Variants in SEMA3B observed in about 807,000 individuals in gnomAD.
SEMA3B encodes the protein semaphorin 3B.
In SEMA3B, 71 loss-of-function variants were observed where a neutral mutation model predicts 77.8. The observed-to-expected ratio is 0.91, with a 90% CI of 0.75 to 1.11. The LOEUF (loss-of-function observed/expected upper bound fraction) is 1.11. Ranked by LOEUF, SEMA3B falls within the 50% of genes most tolerant of loss-of-function variation. The pLI, the probability that SEMA3B is intolerant of heterozygous loss-of-function variation, is 0.00. For missense variants in SEMA3B, 968 were observed against 1,056.8 expected (o/e 0.92, Z 1.17); for synonymous variants, 470 against 452.9 (o/e 1.04, Z -0.48).
Position 50,269,407 on chromosome 3 carries a change from G to C in SEMA3B, c.109+58G>C. 3 of 1,032,562 alleles carry C rather than the reference G, an allele frequency of 2.9e-6. No individual in the cohort carries two copies. The highest frequency in any genetic ancestry group is 4.1e-6 in the Non-Finnish European group (3 of 726,698). The allele number at this position is 1,032,562 out of a possible 1,614,324, so 64.0% of individuals were successfully genotyped here. ...TTGAGGTGGGCAGGAAAGGGTCCCC[G>C]TATGGCCAGGGGGCTCTGTGTTGGC... On this transcript the variant is annotated intron_variant, in intron 1 of 16. Transcript: ENST00000616701. This position sits in a 1 kb window ranked among gnomAD's most constrained non-coding sequence, Gnocchi z 4.0.
At chr3:50,267,565 ACGGCACGG>A (rs1258191525), upstream of SEMA3B, 1 of 151,666 alleles carries the variant, frequency 6.6e-6, no homozygotes, top group African/African-American at 2.4e-5. The surrounding 1 kb of genome is among the most constrained non-coding windows in gnomAD (Gnocchi z 5.7). Flanking sequence ...TCTAAACTTT[ACGGCACGG>A]CGGGCGGTGC....
rs782412515 is a variant in SEMA3B at position 50,270,877 on chromosome 3, C to G, written c.331-13C>G. 6.3e-7 allele frequency: 1 copy of G among 1,589,502 alleles called. No individual in the cohort carries two copies. Among genetic ancestry groups the G allele is most frequent in the Non-Finnish European group, 8.6e-7 (1 of 1,167,710 alleles). On this transcript the variant is annotated splice_polypyrimidine_tract_variant and intron_variant, in intron 3 of 16. Transcript: ENST00000616701. This position sits in a 1 kb window ranked among gnomAD's most constrained non-coding sequence, Gnocchi z 4.7. ...CGTCCCTGGGGGAAGCCTCACACCT[C>G]CAACCCTACTAGACTGAGTGCATGA...
upstream of SEMA3B, among the ~76,000 whole-genome samples, chr3:50,265,152 C>T (rs1048452991): frequency 9.7e-4 from 148 of 152,286 alleles, no homozygotes; most frequent in African/African-American, 3.4e-3. Context: ...GGAGATGCCC[C>T]TGGGGCAGGG....
At chr3:50,272,854 C>T (rs374888952) in intron 6 of SEMA3B, among the ~76,000 whole-genome samples, 21 of 37,146 alleles carry the variant, frequency 5.7e-4, no homozygotes, top group Middle Eastern at 0.015. Flanking sequence ...AATAAATAAA[C>T]AAATAATAAT....
rs1427402015 is a variant in SEMA3B at position 50,273,292 on chromosome 3, G to A, written c.665-6G>A. ...CCCGCTGACCCATGCCTCCTGCCGCGGTCAGAGCCCAAGTTTGTCAAGGTA... is the reference window on the plus strand; with the variant it reads ...CCCGCTGACCCATGCCTCCTGCCGCAGTCAGAGCCCAAGTTTGTCAAGGTA... On this transcript the variant is annotated splice_region_variant and splice_polypyrimidine_tract_variant and intron_variant, in intron 6 of 16. Coordinates refer to ENST00000616701, the MANE Select transcript of SEMA3B (RefSeq NM_001290060.2). This position sits in a 1 kb window ranked among gnomAD's most constrained non-coding sequence, Gnocchi z 6.5. The A allele has an allele frequency of 1.2e-6, 2 of 1,612,398 alleles. No individual in the cohort carries two copies. The highest frequency in any genetic ancestry group is 1.3e-5 in the African/African-American group (1 of 74,914).
At chr3:50,272,864 T>TA (rs1559787537) in intron 6 of SEMA3B, among the ~76,000 whole-genome samples, 1 of 149,094 alleles carries the variant, frequency 6.7e-6, no homozygotes, top group East Asian at 2.0e-4. Flanking sequence ...CAAATAATAA[T>TA]AATAATAATA....
upstream of SEMA3B, chr3:50,269,023 G>A (rs1253683870): frequency 6.8e-6 from 4 of 584,558 alleles, no homozygotes; most frequent in Non-Finnish European, 9.1e-6. This position sits in a 1 kb window ranked among gnomAD's most constrained non-coding sequence, Gnocchi z 4.0. Flanking sequence ...TTGTGGCCAG[G>A]CGGGGCACCC....
Position 50,274,768 on chromosome 3 carries a change from G to A in SEMA3B, c.1358-75G>A. The A allele has an allele frequency of 6.6e-7, 1 of 1,510,144 alleles. No homozygotes were observed. Among genetic ancestry groups the A allele is most frequent in the South Asian group, 1.2e-5 (1 of 85,428 alleles). The allele number at this position is 1,510,144 out of a possible 1,614,324, so 93.5% of individuals were successfully genotyped here. A position where few individuals can be genotyped will look rare whatever the true frequency, so the allele number is the denominator to read the frequency against. ...CAACCCAAACATGCTGAGGGTAGAC[G>A]CCTCAAAGGCGAGGAGACACTAGCC... On this transcript the variant is annotated intron_variant, in intron 11 of 16. Coordinates refer to ENST00000616701, the MANE Select transcript of SEMA3B (RefSeq NM_001290060.2). The surrounding 1 kb of genome is among the most constrained non-coding windows in gnomAD (Gnocchi z 4.7).
chr3:50,271,290 C>T (rs899244915), intron 5 of SEMA3B, 71 bp from the exon 6 acceptor site: 1 of 1,548,940 alleles, frequency 6.5e-7, no homozygotes, highest in Non-Finnish European at 8.7e-7. Flanking sequence ...CTCACTCACT[C>T]CCAGAGCTCC....
At position 50,273,796 on chromosome 3, in the gene SEMA3B, C is replaced by T. The variant is rs781950536; in HGVS notation, c.960C>T (p.Thr320=). 3 of 1,590,474 alleles carry T rather than the reference C, an allele frequency of 1.9e-6. No individual in the cohort carries two copies. The highest frequency in any genetic ancestry group is 2.6e-6 in the Non-Finnish European group (3 of 1,170,198). ...VFLLSSRDHR[T]PLLYAVFSTS... The stretch of plus-strand genomic sequence containing the variant: ...TGTTGTCCTCGCGGGACCACCGGAC[C>T]CCGCTGCTCTATGCCGTCTTCTCCA... Residue 320 remains threonine (T), a synonymous_variant, in exon 9 of 17, where the codon ACC becomes ACT. Coordinates refer to ENST00000616701, the MANE Select transcript of SEMA3B (RefSeq NM_001290060.2). The surrounding 1 kb of genome is among the most constrained non-coding windows in gnomAD (Gnocchi z 6.5).
At position 50,273,204 on chromosome 3, in the gene SEMA3B, T is replaced by C; in HGVS notation, c.665-94T>C. ...GGTCAGACACTGTGATCCCGGGTGC[T>C]GTGCCCGCACTACGGGAAGGGGAAG... On this transcript the variant is annotated intron_variant, in intron 6 of 16. Transcript: ENST00000616701. This position sits in a 1 kb window ranked among gnomAD's most constrained non-coding sequence, Gnocchi z 6.5. The C allele has an allele frequency of 6.7e-7, 1 of 1,489,074 alleles. No homozygotes were observed. Among genetic ancestry groups the C allele is most frequent in the Admixed American group, 2.2e-5 (1 of 44,864 alleles). The allele number at this position is 1,489,074 out of a possible 1,614,324, so 92.2% of individuals were successfully genotyped here.
Position 50,271,444 on chromosome 3 carries a change from C to T in SEMA3B, c.628C>T (p.Leu210Phe). ...IFRSLGQRPS[L>F]RTEPHDSRWL... Reference sequence around the variant, plus strand: ...TCGCAGCCTAGGGCAACGTCCAAGTCTCCGAACAGAGCCACACGACTCCCG... The same window carrying T: ...TCGCAGCCTAGGGCAACGTCCAAGTTTCCGAACAGAGCCACACGACTCCCG... Residue 210 changes from leucine to phenylalanine, a missense_variant, in exon 6 of 17, where the codon CTC becomes TTC. Leu to Phe is a conservative substitution (Grantham distance 22). Coordinates refer to ENST00000616701, the MANE Select transcript of SEMA3B (RefSeq NM_001290060.2). 6.3e-7 allele frequency: 1 copy of T among 1,580,196 alleles called. No homozygotes were observed. The highest frequency in any genetic ancestry group is 8.6e-7 in the Non-Finnish European group (1 of 1,163,122).
At chr3:50,272,636 A>G (rs1553705537) in intron 6 of SEMA3B, among the ~76,000 whole-genome samples, 3 of 150,924 alleles carry the variant, frequency 2.0e-5, no homozygotes, top group Admixed American at 6.6e-5. Flanking sequence ...GCTTGAACCT[A>G]GGAGGCGGAG....
the SEMA3B span, chr3:50,260,998 G>A: frequency 2.0e-5 from 3 of 152,384 alleles, no homozygotes; most frequent in Non-Finnish European, 4.4e-5. Context: ...CCCAGCCATG[G>A]GGGGCTGCAG....
rs1700991498 is a variant in SEMA3B, at chr3:50,269,650, A to G, written c.109+301A>G. 6.6e-6 allele frequency among the ~76,000 whole-genome samples: 1 copy of G among 152,164 alleles called. No individual in the cohort carries two copies. The highest frequency in any genetic ancestry group is 1.5e-5 in the Non-Finnish European group (1 of 68,034). On this transcript the variant is annotated intron_variant, in intron 1 of 16. Coordinates refer to ENST00000616701, the MANE Select transcript of SEMA3B (RefSeq NM_001290060.2). This position sits in a 1 kb window ranked among gnomAD's most constrained non-coding sequence, Gnocchi z 4.0. ...GGCGATACTCCTTCAGCAGAGCAAC[A>G]GGGAAGTCAGAGCCCCCTTCTCATG...
Position 50,274,955 on chromosome 3 carries a change from G to T in SEMA3B, c.1449+21G>T, listed in dbSNP as rs1553706217. ...TTGAGGTGAGGCCTCACCCCCAGTC[G>T]CCCGGGACCCCCCCACCCCACTAAG... On this transcript the variant is annotated intron_variant, in intron 12 of 16. Transcript: ENST00000616701. This position sits in a 1 kb window ranked among gnomAD's most constrained non-coding sequence, Gnocchi z 4.7. The T allele has an allele frequency of 6.2e-7, 1 of 1,601,284 alleles. No homozygotes were observed. The highest frequency in any genetic ancestry group is 1.7e-5 in the Admixed American group (1 of 58,812).
chr3:50,261,476 G>C, the SEMA3B span: 2 of 152,532 alleles, frequency 1.3e-5, no homozygotes, highest in African/African-American at 4.8e-5. Context: ...AGAGAGGCAA[G>C]CTTTCAGAGT....
intron 6 of SEMA3B, among the ~76,000 whole-genome samples, chr3:50,271,839 G>A (rs1385376656): frequency 6.6e-6 from 1 of 150,394 alleles, no homozygotes; most frequent in Admixed American, 6.6e-5. Context: ...ATTTAGGGAT[G>A]AGCATTCCAG....
At chr3:50,263,556 A>T, upstream of SEMA3B, among the ~76,000 whole-genome samples, 1 of 150,978 alleles carries the variant, frequency 6.6e-6, no homozygotes, top group African/African-American at 2.4e-5. Flanking sequence ...TGTGAATGCC[A>T]AGCTAAAAGC....
Sources: gnomAD v4.1 joint callset for allele counts (sites outside exome capture counted in the v4.1 genomes callset) on GRCh38, gnomAD v4.1.1 for gene constraint, Gnocchi (gnomAD v3.1) non-coding constraint, MANE v1.5 for transcripts, NCBI Gene and HGNC (gene_info 2026-07-23, HGNC 2026-07-21) for gene names.